Variants in CNTLN observed in about 807,000 individuals in gnomAD.
CNTLN encodes the protein centlein, centrosomal protein.
A neutral mutation model predicts 180.0 loss-of-function variants in CNTLN; 212 were observed. The observed-to-expected ratio is 1.18, with a 90% CI of 1.05 to 1.32. The LOEUF is 1.32. CNTLN is among the 40% of genes most tolerant of loss of function. The probability of loss-of-function intolerance (pLI) is 0.00; values close to 1 mark genes in which losing one functional copy is unlikely to be tolerated. For missense variants in CNTLN, 2,095 were observed against 1,610.9 expected (o/e 1.30, Z -5.14); for synonymous variants, 722 against 563.1 (o/e 1.28, Z -3.99).
At chr9:17,457,087 C>G (rs1334199758) in intron 18 of CNTLN, among the ~76,000 whole-genome samples, 1 of 152,098 alleles carries the variant, frequency 6.6e-6, no homozygotes, top group Non-Finnish European at 1.5e-5. Flanking sequence ...AAATGAGAAG[C>G]ATTTTGGCTG....
chr9:17,296,354 G>A (rs1253928434), intron 6 of CNTLN, among the ~76,000 whole-genome samples: 1 of 152,048 alleles, frequency 6.6e-6, no homozygotes, highest in Non-Finnish European at 1.5e-5. Flanking sequence ...CATATATTTT[G>A]TTGTACGTTG....
At chr9:17,169,412 A>G (rs1302569560) in intron 2 of CNTLN, among the ~76,000 whole-genome samples, 1 of 152,176 alleles carries the variant, frequency 6.6e-6, no homozygotes, top group Non-Finnish European at 1.5e-5. Flanking sequence ...ATTGTTGAAT[A>G]TGGTTCTCAC....
chr9:17,315,827 A>T (rs1819503260), intron 8 of CNTLN, among the ~76,000 whole-genome samples: 1 of 152,086 alleles, frequency 6.6e-6, no homozygotes, highest in Non-Finnish European at 1.5e-5. Context: ...AATGTCATTT[A>T]GGTCAAGTTT....
intron 13 of CNTLN, among the ~76,000 whole-genome samples, chr9:17,386,537 G>C (rs1027544358): frequency 2.6e-5 from 4 of 152,274 alleles, no homozygotes; most frequent in African/African-American, 7.2e-5. Flanking sequence ...GATCCTTGAA[G>C]AGAAAGAGAA....
chr9:17,492,319 C>T (rs1833209490), intron 25 of CNTLN, among the ~76,000 whole-genome samples: 2 of 151,668 alleles, frequency 1.3e-5, no homozygotes, highest in African/African-American at 4.8e-5. Flanking sequence ...AGTTTTACCT[C>T]CTCTAATATA....
At chr9:17,268,390 T>C (rs1266078395) in intron 5 of CNTLN, among the ~76,000 whole-genome samples, 2 of 152,308 alleles carry the variant, frequency 1.3e-5, no homozygotes, top group East Asian at 3.9e-4. Context: ...TGATCGTTCC[T>C]CTGGAAGTTT....
At chr9:17,496,357 G>A (rs1833455296) in intron 25 of CNTLN, among the ~76,000 whole-genome samples, 1 of 152,120 alleles carries the variant, frequency 6.6e-6, no homozygotes, top group Non-Finnish European at 1.5e-5. Context: ...TTAGCCATAG[G>A]AGCCTTCTTC....
At chr9:17,268,050 C>T (rs150929911) in intron 5 of CNTLN, among the ~76,000 whole-genome samples, 18,024 of 152,174 alleles carry the variant, frequency 0.12, 1,355 homozygotes, top group African/African-American at 0.21. Context: ...CAAAGTCATT[C>T]TCCATCCAGC....
intron 5 of CNTLN, among the ~76,000 whole-genome samples, chr9:17,268,735 G>T (rs1827701841): frequency 1.3e-5 from 2 of 152,080 alleles, no homozygotes; most frequent in South Asian, 4.2e-4. Context: ...TCAAGCCTGG[G>T]CAATGGCAGG....
intron 19 of CNTLN, among the ~76,000 whole-genome samples, chr9:17,458,547 T>C (rs1831269725): frequency 6.6e-6 from 1 of 151,952 alleles, no homozygotes; most frequent in Non-Finnish European, 1.5e-5. Context: ...TAGGAGGGTA[T>C]TGGAATACTA....
intron 15 of CNTLN, among the ~76,000 whole-genome samples, chr9:17,406,589 CTCTTA>C (rs1382087593): frequency 6.6e-6 from 1 of 151,634 alleles, no homozygotes; most frequent in Non-Finnish European, 1.5e-5. Flanking sequence ...GGATTCCTTC[CTCTTA>C]TCTTGCTCAT....
chr9:17,238,467 G>A (rs140770326), intron 5 of CNTLN, among the ~76,000 whole-genome samples: 1 of 152,112 alleles, frequency 6.6e-6, no homozygotes, highest in Non-Finnish European at 1.5e-5. Context: ...CTACCTTCCT[G>A]GAAAGTAGAT....
intron 12 of CNTLN, among the ~76,000 whole-genome samples, chr9:17,352,561 T>C (rs796296942): frequency 4.2e-5 from 6 of 143,440 alleles, no homozygotes; most frequent in Admixed American, 4.1e-4. Context: ...TAACAATATA[T>C]AAATTTCACA....
chr9:17,394,732 C>T lies in CNTLN; in HGVS notation c.2278C>T (p.Leu760Phe), dbSNP rs762894316. The change falls in exon 15 of 26, where the codon CTT becomes TTT. Residue 760 changes from leucine (L) to phenylalanine (F), a missense_variant. By Grantham distance (22) the Leu-to-Phe change is conservative. Transcript: ENST00000380647. ...AGATGTAGAAAAAGAAAATACTGAA[C>T]TTCAAGTAAAAATCAGTGAGCTGGA... ...SKDVEKENTE[L>F]QVKISELETE... 1 of 1,613,900 alleles carries T rather than the reference C, an allele frequency of 6.2e-7. No individual in the cohort carries two copies. The highest frequency in any genetic ancestry group is 8.5e-7 in the Non-Finnish European group (1 of 1,179,936).
At chr9:17,522,188 G>A in the CNTLN span, among the ~76,000 whole-genome samples, 3 of 152,150 alleles carry the variant, frequency 2.0e-5, no homozygotes, top group Admixed American at 6.5e-5. Context: ...ATACATGGAC[G>A]TGGCTAGTAT....
At chr9:17,314,046 T>C (rs577533413) in intron 8 of CNTLN, among the ~76,000 whole-genome samples, 13 of 152,356 alleles carry the variant, frequency 8.5e-5, no homozygotes, top group Non-Finnish European at 7.3e-5. Flanking sequence ...CTCTGTTAAT[T>C]ATTTAAAAAT....
At chr9:17,329,360 C>T (rs1323269030) in intron 8 of CNTLN, among the ~76,000 whole-genome samples, 3 of 151,744 alleles carry the variant, frequency 2.0e-5, no homozygotes, top group African/African-American at 7.3e-5. Flanking sequence ...AGTTGTACAA[C>T]GATTAAAATG....
chr9:17,299,640 T>C, intron 7 of CNTLN: 1 of 985,428 alleles, frequency 1.0e-6, no homozygotes, highest in Non-Finnish European at 1.2e-6. Flanking sequence ...CCACTTCAGC[T>C]AGAGCAGTGC....
rs113504270 is a variant in CNTLN at position 17,441,639 on chromosome 9, A to T, written c.3115-15885A>T. Among the ~76,000 whole-genome samples, 1,307 of 152,108 alleles carry T rather than the reference A, an allele frequency of 8.6e-3. 9 individuals carry two copies. Among genetic ancestry groups the T allele is most frequent in the Non-Finnish European group, 0.015 (1,018 of 67,970 alleles). ...GAAATACAATGAAAGATAGCAACAG[A>T]GGAAAAGACAGACAAAAGAGCTATA... is the stretch of plus-strand genomic sequence containing the variant. On this transcript the variant is annotated intron_variant, in intron 18 of 25. Coordinates refer to ENST00000380647, the MANE Select transcript of CNTLN (RefSeq NM_017738.4).
Sources: gnomAD v4.1 joint callset for allele counts (sites outside exome capture counted in the v4.1 genomes callset) on GRCh38, gnomAD v4.1.1 for gene constraint, MANE v1.5 for transcripts, NCBI Gene and HGNC (gene_info 2026-07-23, HGNC 2026-07-21) for gene names.